Variants in DPH5 observed in about 807,000 individuals in gnomAD.
DPH5 encodes the protein diphthamide biosynthesis 5.
In DPH5, 31 loss-of-function variants were observed where a neutral mutation model predicts 31.6. The observed-to-expected ratio is 0.98, with a 90% CI of 0.74 to 1.32. The LOEUF is 1.32. DPH5 is among the 40% of genes most tolerant of loss of function. The pLI, the probability that DPH5 is intolerant of heterozygous loss-of-function variation, is 0.00. For synonymous variants in DPH5, 120 were observed against 115.0 expected (o/e 1.04, Z -0.28); for missense variants, 309 against 335.7 (o/e 0.92, Z 0.62).
intron 6 of DPH5, among the ~76,000 whole-genome samples, chr1:100,993,925 G>A (rs906555706): frequency 1.3e-5 from 2 of 151,694 alleles, no homozygotes; most frequent in Non-Finnish European, 2.9e-5. Flanking sequence ...TGTATTTTTA[G>A]TACAGACGGG....
rs759626625 is a variant in DPH5, at chr1:100,992,686, C to T, written c.585G>A (p.Gln195=). ...PRYMSVNQAA[Q]QLLEIVQNQR... ...GATTTTGAACAATCTCCAGAAGCTG[C>T]TGGGCTGCTTGGTTTACACTCATAT... The change falls in exon 7 of 8, where the codon CAG becomes CAA. Residue 195 remains glutamine, a synonymous_variant. Transcript: ENST00000370109. The T allele has an allele frequency of 6.8e-6, 11 of 1,613,986 alleles. No individual in the cohort carries two copies.
chr1:100,999,164 A>G (rs962415511), intron 5 of DPH5, among the ~76,000 whole-genome samples: 4 of 152,238 alleles, frequency 2.6e-5, no homozygotes, highest in Admixed American at 1.3e-4. Flanking sequence ...CTATTAAGAC[A>G]TACAGCCAGG....
chr1:101,020,520 T>G (rs534546705), intron 3 of DPH5, among the ~76,000 whole-genome samples: 1 of 151,822 alleles, frequency 6.6e-6, no homozygotes, highest in Admixed American at 6.6e-5. Flanking sequence ...CTAAGCTGAT[T>G]CTATCCATTC....
chr1:101,015,499 C>A (rs1308490575), intron 3 of DPH5, among the ~76,000 whole-genome samples: 1 of 152,296 alleles, frequency 6.6e-6, no homozygotes, highest in South Asian at 2.1e-4. Flanking sequence ...CCACTTACAG[C>A]GCACAGGGAG....
At chr1:101,024,071 C>T (rs1025015547) in intron 2 of DPH5, among the ~76,000 whole-genome samples, 1 of 151,896 alleles carries the variant, frequency 6.6e-6, no homozygotes, top group Non-Finnish European at 1.5e-5. Flanking sequence ...TGGTTCTATC[C>T]TAAGAGTGAA....
In DPH5 at chr1:101,021,999, G is replaced by A. The variant is rs371451051; in HGVS notation, c.136-234C>T. ...GCTGTCTTAATATCCCAAAGGAGGC[G>A]GAACTCTTAACATCTGAGGCTTTTT... On this transcript the variant is annotated intron_variant, in intron 2 of 7. Coordinates refer to ENST00000370109, the MANE Select transcript of DPH5 (RefSeq NM_015958.3). Among the ~76,000 whole-genome samples, 27 of 152,174 alleles carry A rather than the reference G, an allele frequency of 1.8e-4. No homozygotes were observed. The South Asian group carries it at 2.9e-3, about 16-fold the overall frequency.
At chr1:101,025,285 G>A (rs779327512) in intron 2 of DPH5, 24 bp downstream of exon 2, 9 of 1,611,920 alleles carry the variant, frequency 5.6e-6, no homozygotes, top group Non-Finnish European at 7.6e-6. Flanking sequence ...CTTCCCAGGA[G>A]GCTGGGGAAC....
Position 100,990,016 on chromosome 1 carries a change from G to A in DPH5, c.*392C>T, listed in dbSNP as rs1294107945. 1 of 199,658 alleles carries A rather than the reference G, an allele frequency of 5.0e-6. No homozygotes were observed. The highest frequency in any genetic ancestry group is 2.4e-5 in the African/African-American group (1 of 42,386). The allele number at this position is 199,658 out of a possible 1,614,324, so 12.4% of individuals were successfully genotyped here. On this transcript the variant is annotated 3_prime_UTR_variant, in exon 8 of 8. Transcript: ENST00000370109. ...GTTACACAAACATGCATGCATCCAG[G>A]TATTAATCCATTCTCACACTGCTAT... is the stretch of plus-strand genomic sequence containing the variant.
chr1:101,010,583 T>G (rs1488743120), intron 4 of DPH5, among the ~76,000 whole-genome samples: 1 of 152,246 alleles, frequency 6.6e-6, no homozygotes, highest in Non-Finnish European at 1.5e-5. Context: ...AAAGTCTGTC[T>G]ATTTCTAGGT....
intron 4 of DPH5, among the ~76,000 whole-genome samples, chr1:101,001,942 A>C (rs528029306): frequency 1.3e-5 from 2 of 152,324 alleles, no homozygotes; most frequent in South Asian, 4.1e-4. Context: ...AGCGGGGTTC[A>C]CAAGGTTAAT....
At chr1:100,993,595 TATAG>T (rs1332817697) in intron 6 of DPH5, among the ~76,000 whole-genome samples, 4 of 127,528 alleles carry the variant, frequency 3.1e-5, no homozygotes, top group African/African-American at 1.2e-4. Flanking sequence ...TATATATATA[TATAG>T]CTATTGTGGC....
chr1:101,025,514 C>A, intron 1 of DPH5, 48 bp from the exon 2 acceptor site: 2 of 1,580,874 alleles, frequency 1.3e-6, no homozygotes, highest in Non-Finnish European at 1.7e-6. Flanking sequence ...CCGAGGACAT[C>A]TAAAATCTAG....
At chr1:100,995,546 T>C (rs1658270562) in intron 5 of DPH5, 1 of 156,024 alleles carries the variant, frequency 6.4e-6, no homozygotes. Context: ...CTTTTCCACA[T>C]TTAAAAAAGT....
chr1:101,019,135 C>G (rs551590535), intron 3 of DPH5, among the ~76,000 whole-genome samples: 30 of 152,292 alleles, frequency 2.0e-4, no homozygotes, highest in African/African-American at 7.0e-4. Flanking sequence ...TTAATAAAGA[C>G]TTCTTATGCA....
chr1:100,996,206 T>C (rs1658334915), intron 5 of DPH5: 1 of 152,216 alleles, frequency 6.6e-6, no homozygotes, highest in Non-Finnish European at 1.5e-5. Flanking sequence ...TAATCAATGG[T>C]GTTAGTCAAC....
intron 4 of DPH5, among the ~76,000 whole-genome samples, chr1:101,005,072 TTAACAGTCTCC>T (rs1429411728): frequency 2.6e-5 from 4 of 152,220 alleles, no homozygotes; most frequent in South Asian, 2.1e-4. Flanking sequence ...CTGAATAACC[TTAACAGTCTCC>T]TAACTCATCT....
intron 2 of DPH5, among the ~76,000 whole-genome samples, chr1:101,022,224 G>GA (rs1422867581): frequency 6.6e-6 from 1 of 151,752 alleles, no homozygotes; most frequent in South Asian, 2.1e-4. Flanking sequence ...AACTCAGCTA[G>GA]AAAAAAAAGG....
Position 101,015,463 on chromosome 1 carries a change from T to C in DPH5, c.261-1645A>G, listed in dbSNP as rs542526992. 3.9e-4 allele frequency among the ~76,000 whole-genome samples: 60 copies of C among 152,342 alleles called. No individual in the cohort carries two copies. The South Asian group carries it at 0.011, about 28-fold the overall frequency. Reference sequence around the variant, plus strand: ...TTCAGTGAACCATGCTGTAAACAGATGTGCTGTCATTCAGCTTTTCTTGTT... The same window carrying C: ...TTCAGTGAACCATGCTGTAAACAGACGTGCTGTCATTCAGCTTTTCTTGTT... On this transcript the variant is annotated intron_variant, in intron 3 of 7. Transcript: ENST00000370109.
chr1:100,993,987 C>T (rs1215430976), intron 6 of DPH5, among the ~76,000 whole-genome samples: 2 of 152,028 alleles, frequency 1.3e-5, no homozygotes, highest in Non-Finnish European at 2.9e-5. Flanking sequence ...CGTGATCCAC[C>T]TGCCTCGGCC....
Sources: gnomAD v4.1 joint callset for allele counts (sites outside exome capture counted in the v4.1 genomes callset) on GRCh38, gnomAD v4.1.1 for gene constraint, MANE v1.5 for transcripts, NCBI Gene and HGNC (gene_info 2026-07-23, HGNC 2026-07-21) for gene names.